Variants in SLC26A5 observed in about 807,000 individuals in gnomAD.
SLC26A5 encodes prestin.
Under a neutral mutation model 81.0 loss-of-function variants are expected in SLC26A5, and 51 were observed. The ratio of observed to expected loss-of-function variants is 0.63; its 90% CI spans 0.50 to 0.80. The LOEUF (loss-of-function observed/expected upper bound fraction) is 0.80. SLC26A5 is among the 30% of genes least tolerant of loss of function. SLC26A5 has a pLI of 0.00. For synonymous variants in SLC26A5, 325 were observed against 332.8 expected, an observed-to-expected ratio of 0.98 and a Z score of 0.25; for missense variants, 771 against 905.8, an observed-to-expected ratio of 0.85 and a Z score of 1.91.
rs544276834 is a variant in SLC26A5, at chr7:103,415,719, T to G, written c.293-2607A>C. On this transcript the variant is annotated intron_variant, in intron 4 of 19. Coordinates refer to ENST00000306312, the MANE Select transcript of SLC26A5 (RefSeq NM_198999.3). ...CTTTTCATTATGTGACTTTTTTTCTTTCTAGTCTGAGATCCTCTATTTATC... is the reference window on the plus strand; with the variant it reads ...CTTTTCATTATGTGACTTTTTTTCTGTCTAGTCTGAGATCCTCTATTTATC... Among the ~76,000 whole-genome samples the G allele has an allele frequency of 2.6e-5, 4 of 152,368 alleles. No homozygotes were observed. In the East Asian group the frequency reaches 7.7e-4, roughly 29 times the overall value.
At chr7:103,371,406 G>A (rs1044489774), downstream of SLC26A5, among the ~76,000 whole-genome samples, 12 of 146,572 alleles carry the variant, frequency 8.2e-5, no homozygotes, top group African/African-American at 2.5e-4. Flanking sequence ...CTCACTGCAA[G>A]CTCCGCCTCC....
downstream of SLC26A5, among the ~76,000 whole-genome samples, chr7:103,369,921 A>T (rs1442984682): frequency 5.9e-5 from 9 of 152,240 alleles, no homozygotes; most frequent in Non-Finnish European, 1.0e-4. Flanking sequence ...ATACACCAGT[A>T]TAATGAAAAG....
intron 8 of SLC26A5, among the ~76,000 whole-genome samples, chr7:103,405,631 G>T (rs938791173): frequency 6.6e-6 from 1 of 152,212 alleles, no homozygotes; most frequent in African/African-American, 2.4e-5. Flanking sequence ...CCCCTACTGG[G>T]AGGTGTCTCC....
intron 6 of SLC26A5, among the ~76,000 whole-genome samples, chr7:103,410,919 G>A (rs764244977): frequency 3.3e-5 from 5 of 152,046 alleles, no homozygotes; most frequent in East Asian, 1.9e-4. Context: ...GTGAGCCACC[G>A]CGCCCAGCCT....
chr7:103,395,517 ATAT>A (rs367556559), intron 9 of SLC26A5, among the ~76,000 whole-genome samples: 72,147 of 100,390 alleles, frequency 0.72, 25,464 homozygotes, highest in Middle Eastern at 0.85. Flanking sequence ...ATATATATAT[ATAT>A]AAATTTTTTT....
chr7:103,353,864 T>C, intron 19 of SLC26A5: 3 of 1,478,580 alleles, frequency 2.0e-6, no homozygotes, highest in Non-Finnish European at 2.8e-6. Flanking sequence ...GTTTCTTTTT[T>C]AAAAATTTTA....
At chr7:103,422,770 A>G (rs1825447189) in intron 2 of SLC26A5, among the ~76,000 whole-genome samples, 1 of 152,216 alleles carries the variant, frequency 6.6e-6, no homozygotes, top group Non-Finnish European at 1.5e-5. Context: ...ATACCTCATA[A>G]TAAAATATTA....
downstream of SLC26A5, among the ~76,000 whole-genome samples, chr7:103,371,101 T>G (rs1486743351): frequency 1.3e-5 from 2 of 152,224 alleles, no homozygotes; most frequent in Admixed American, 1.3e-4. Flanking sequence ...TTTTGCTGTA[T>G]GAAATAATTG....
At chr7:103,377,469 T>C (rs1314495622) in intron 18 of SLC26A5, 130 bp downstream of exon 18, 1 of 833,230 alleles carries the variant, frequency 1.2e-6, no homozygotes, top group Non-Finnish European at 2.0e-6. Flanking sequence ...TATATATTTT[T>C]GAAATTTTCC....
intron 1 of SLC26A5, among the ~76,000 whole-genome samples, chr7:103,444,809 AG>A (rs1452983959): frequency 2.0e-5 from 3 of 152,164 alleles, no homozygotes; most frequent in African/African-American, 7.2e-5. Context: ...CTTCACCCTA[AG>A]TTTCTTTCTA....
chr7:103,425,058 T>C (rs1394640652), intron 2 of SLC26A5, among the ~76,000 whole-genome samples: 1 of 152,212 alleles, frequency 6.6e-6, no homozygotes, highest in Admixed American at 6.5e-5. Flanking sequence ...ATCTTTAGTC[T>C]TAAGAGTCCT....
chr7:103,406,337 T>C (rs924892022), intron 8 of SLC26A5, among the ~76,000 whole-genome samples: 1 of 152,200 alleles, frequency 6.6e-6, no homozygotes, highest in Non-Finnish European at 1.5e-5. Context: ...TCTCCTAGTC[T>C]GTGGGTTGTG....
intron 8 of SLC26A5, among the ~76,000 whole-genome samples, chr7:103,403,629 C>T (rs1321211591): frequency 6.6e-6 from 1 of 150,576 alleles, no homozygotes; most frequent in Non-Finnish European, 1.5e-5. Context: ...ATGTAATGCC[C>T]TTGTCTTTTT....
chr7:103,380,602 C>T, intron 14 of SLC26A5, 53 bp from the exon 15 acceptor site: 1 of 1,505,332 alleles, frequency 6.6e-7, no homozygotes, highest in Middle Eastern at 1.7e-4. Flanking sequence ...CGTGTGATTT[C>T]AACAGGAGGT....
At chr7:103,394,860 G>C (rs955736279) in intron 9 of SLC26A5, among the ~76,000 whole-genome samples, 2 of 152,210 alleles carry the variant, frequency 1.3e-5, no homozygotes, top group African/African-American at 2.4e-5. Flanking sequence ...TGCTGTATGA[G>C]TGCCTTAAGA....
chr7:103,443,889 G>A (rs1322464025), intron 1 of SLC26A5, among the ~76,000 whole-genome samples: 1 of 152,220 alleles, frequency 6.6e-6, no homozygotes, highest in Non-Finnish European at 1.5e-5. Context: ...TCCTCTGAAA[G>A]GTGTACAAGA....
chr7:103,397,501 A>C (rs1823221879), intron 9 of SLC26A5, among the ~76,000 whole-genome samples: 1 of 132,470 alleles, frequency 7.5e-6, no homozygotes, highest in Non-Finnish European at 1.5e-5. Flanking sequence ...AGATCATGCC[A>C]CTGCACTCCA....
In SLC26A5 at chr7:103,395,903, T is replaced by A. The variant is rs376957200; in HGVS notation, c.971+2029A>T. Among the ~76,000 whole-genome samples the A allele has an allele frequency of 2.0e-4, 30 of 152,272 alleles. 1 individual carries two copies. Among genetic ancestry groups the A allele is most frequent in the African/African-American group, 7.2e-4 (30 of 41,566 alleles). ...GTTAGAAACTAAAAACTCACTGAAA[T>A]AACAGCCTTAGAACCCATTACTAAT... On this transcript the variant is annotated intron_variant, in intron 9 of 19. Coordinates refer to ENST00000306312, the MANE Select transcript of SLC26A5 (RefSeq NM_198999.3).
intron 4 of SLC26A5, among the ~76,000 whole-genome samples, chr7:103,419,985 C>T (rs1825214174): frequency 6.6e-6 from 1 of 152,066 alleles, no homozygotes; most frequent in Non-Finnish European, 1.5e-5. Flanking sequence ...GACAGTGAGC[C>T]AGATAGGTGC....
Sources: allele counts gnomAD v4.1 joint callset (sites outside exome capture counted in the v4.1 genomes callset), GRCh38; gene constraint gnomAD v4.1.1; transcripts MANE v1.5; gene names NCBI Gene and HGNC (gene_info 2026-07-23, HGNC 2026-07-21).